The following ANTXR1 variants were observed in gnomAD, a reference collection of about 807,000 sequenced individuals.
ANTXR1 encodes the protein ANTXR cell adhesion molecule 1.
In ANTXR1, 19 loss-of-function variants were observed where a neutral mutation model predicts 78.1. That is an observed-to-expected ratio of 0.24 (90% confidence interval 0.17 to 0.36). The LOEUF (loss-of-function observed/expected upper bound fraction) is 0.36, where lower values mean the gene tolerates loss of function less well. Ranked by LOEUF, ANTXR1 falls within the 10% of genes least tolerant of loss-of-function variation. The pLI is 1.00. For missense variants in ANTXR1, 518 were observed against 718.6 expected, an observed-to-expected ratio of 0.72 and a Z score of 3.19; for synonymous variants, 273 against 260.5, an observed-to-expected ratio of 1.05 and a Z score of -0.46.
At chr2:69,078,028 G>C (rs944828090) in intron 8 of ANTXR1, among the ~76,000 whole-genome samples, 4 of 152,162 alleles carry the variant, frequency 2.6e-5, no homozygotes, top group Non-Finnish European at 4.4e-5. Flanking sequence ...CACTGCTTTC[G>C]ACCTATAATC....
intron 17 of ANTXR1, among the ~76,000 whole-genome samples, chr2:69,204,765 C>T (rs962754498): frequency 6.6e-6 from 1 of 152,146 alleles, no homozygotes; most frequent in Non-Finnish European, 1.5e-5. Flanking sequence ...CCTTCCTGTC[C>T]TCCTACCTCT....
intron 3 of ANTXR1, among the ~76,000 whole-genome samples, chr2:69,060,206 G>T (rs1670192578): frequency 6.6e-6 from 1 of 152,072 alleles, no homozygotes; most frequent in Non-Finnish European, 1.5e-5. Flanking sequence ...TTGCTCTTTT[G>T]TTCCCAGTTC....
chr2:69,232,623 A>G (rs925090133), intron 17 of ANTXR1, among the ~76,000 whole-genome samples: 2 of 152,190 alleles, frequency 1.3e-5, no homozygotes, highest in Non-Finnish European at 2.9e-5. Context: ...GAACATCTCA[A>G]TAAAAACTTG....
chr2:69,106,253 TAAA>T (rs1671806235), intron 10 of ANTXR1, among the ~76,000 whole-genome samples: 1 of 152,232 alleles, frequency 6.6e-6, no homozygotes, highest in African/African-American at 2.4e-5. Context: ...TGCATTTGCT[TAAA>T]AAATCAACCA....
chr2:69,104,561 G>T (rs115887333), intron 10 of ANTXR1, among the ~76,000 whole-genome samples: 1,645 of 152,236 alleles, frequency 0.011, 27 homozygotes, highest in African/African-American at 0.038. Context: ...TTTTCTCCCT[G>T]TCAATTGTGA....
At chr2:69,105,983 G>A (rs1429981456) in intron 10 of ANTXR1, among the ~76,000 whole-genome samples, 3 of 152,172 alleles carry the variant, frequency 2.0e-5, no homozygotes, top group Admixed American at 6.5e-5. Context: ...GATAGTGGGA[G>A]ATATTAATAT....
intron 17 of ANTXR1, among the ~76,000 whole-genome samples, chr2:69,231,734 T>C (rs1246391301): frequency 6.6e-6 from 1 of 152,150 alleles, no homozygotes; most frequent in Non-Finnish European, 1.5e-5. Flanking sequence ...ACCGCCTTCA[T>C]TGTACCTCAA....
intron 17 of ANTXR1, among the ~76,000 whole-genome samples, chr2:69,238,877 A>G (rs1478332253): frequency 6.6e-6 from 1 of 152,240 alleles, no homozygotes; most frequent in Non-Finnish European, 1.5e-5. Context: ...AAGCCATAGC[A>G]TATTTTTAAC....
chr2:69,065,130 G>A (rs10193920), intron 3 of ANTXR1, among the ~76,000 whole-genome samples: 45,725 of 152,074 alleles, frequency 0.3, 12,476 homozygotes, highest in African/African-American at 0.7. Context: ...CCACTGGTAA[G>A]AGTGGTTTTT....
At chr2:69,057,969 C>T (rs1253901580) in intron 3 of ANTXR1, among the ~76,000 whole-genome samples, 1 of 152,188 alleles carries the variant, frequency 6.6e-6, no homozygotes, top group East Asian at 1.9e-4. Context: ...AAAACAGCCA[C>T]AACATTCCCT....
chr2:69,102,822 G>A lies in ANTXR1; in HGVS notation c.704-20G>A, dbSNP rs374651423. Reference sequence around the variant, plus strand: ...GGTTATTGGCCAAGTAACGAGTCTCGTCATTATTCTTTATTTCAGAGTCAT... The same window carrying A: ...GGTTATTGGCCAAGTAACGAGTCTCATCATTATTCTTTATTTCAGAGTCAT... On this transcript the variant is annotated intron_variant, in intron 9 of 17. Coordinates refer to ENST00000303714, the MANE Select transcript of ANTXR1 (RefSeq NM_032208.3). The A allele has an allele frequency of 3.8e-4, 605 of 1,611,638 alleles. No homozygotes were observed. Among genetic ancestry groups the A allele is most frequent in the Non-Finnish European group, 4.6e-4 (546 of 1,178,252 alleles).
intron 10 of ANTXR1, among the ~76,000 whole-genome samples, chr2:69,108,545 G>T (rs907807666): frequency 6.6e-6 from 1 of 152,168 alleles, no homozygotes; most frequent in African/African-American, 2.4e-5. Context: ...GGGATTTGTT[G>T]TACAGGTTGT....
intron 10 of ANTXR1, among the ~76,000 whole-genome samples, chr2:69,118,750 A>T (rs1310865576): frequency 2.0e-5 from 3 of 152,222 alleles, no homozygotes; most frequent in African/African-American, 7.2e-5. Context: ...GCCGAGGTGC[A>T]GCAAGGAAGG....
chr2:69,090,863 TGAA>T lies in ANTXR1; in HGVS notation c.652_654del (p.Lys218del). On this transcript the variant is annotated inframe_deletion, in exon 9 of 18. Coordinates refer to ENST00000303714, the MANE Select transcript of ANTXR1 (RefSeq NM_032208.3). The stretch of plus-strand genomic sequence containing the variant: ...TTTTATTTCCGCTCCTCCTAGATTT[TGAA>T]GAAGTCCTGCATCGAAATTCTAGCA... 1 of 1,613,248 alleles carries T rather than the reference TGAA, an allele frequency of 6.2e-7. No homozygotes were observed. Among genetic ancestry groups the T allele is most frequent in the Non-Finnish European group, 8.5e-7 (1 of 1,180,004 alleles).
At chr2:69,239,940 T>C (rs1024339789) in intron 17 of ANTXR1, among the ~76,000 whole-genome samples, 1 of 152,226 alleles carries the variant, frequency 6.6e-6, no homozygotes, top group African/African-American at 2.4e-5. Context: ...TTTCCTTTAA[T>C]AAAGCAATCG....
chr2:69,244,870 T>G (rs530914980), intron 17 of ANTXR1, among the ~76,000 whole-genome samples: 1 of 152,212 alleles, frequency 6.6e-6, no homozygotes, highest in African/African-American at 2.4e-5. Context: ...TCTGAACCTC[T>G]GCTTCCTCAT....
chr2:69,027,757 T>C (rs1671391628), intron 1 of ANTXR1, among the ~76,000 whole-genome samples: 2 of 150,870 alleles, frequency 1.3e-5, no homozygotes, highest in Non-Finnish European at 2.9e-5. Flanking sequence ...AGATAAGTGA[T>C]TAAACAAAAT....
At position 69,193,383 on chromosome 2, in the gene ANTXR1, G is replaced by T; in HGVS notation, c.1402G>T (p.Val468Leu). The T allele has an allele frequency of 6.2e-7, 1 of 1,613,924 alleles. No individual in the cohort carries two copies. Among genetic ancestry groups the T allele is most frequent in the African/African-American group, 1.3e-5 (1 of 74,966 alleles). ...WVLLRKGYDR[V>L]SVMRPQPGDT... ...CCTACTGAGGAAAGGATATGATCGT[G>T]TGTCTGTGATGCGTCCACAGCCAGG... Residue 468 changes from valine to leucine, a missense_variant, in exon 17 of 18, where the codon GTG becomes TTG. By Grantham distance (32) the Val-to-Leu change is conservative. This residue lies in a region of ANTXR1 where 192 missense variants were observed against 230.2 expected (regional missense o/e 0.83). Transcript: ENST00000303714.
At chr2:69,106,218 A>G (rs939430533) in intron 10 of ANTXR1, among the ~76,000 whole-genome samples, 1 of 152,250 alleles carries the variant, frequency 6.6e-6, no homozygotes, top group Non-Finnish European at 1.5e-5. Context: ...AGATAGGTTA[A>G]TACATGCTTC....
Sources: allele counts gnomAD v4.1 joint callset (sites outside exome capture counted in the v4.1 genomes callset), GRCh38; gene constraint gnomAD v4.1.1; regional missense constraint gnomAD v4.1.1; transcripts MANE v1.5; gene names NCBI Gene and HGNC (gene_info 2026-07-23, HGNC 2026-07-21).